DZANK1: variants seen among roughly 807,000 people sequenced by gnomAD.
DZANK1 encodes double zinc ribbon and ankyrin repeat-containing protein 1.
In DZANK1, 91 loss-of-function variants were observed where a neutral mutation model predicts 94.5. The observed-to-expected ratio is 0.96, with a 90% CI of 0.81 to 1.15. The LOEUF (loss-of-function observed/expected upper bound fraction) is 1.15, where lower values mean the gene tolerates loss of function less well. DZANK1 is among the 50% of genes most tolerant of loss of function. The pLI is 0.00. For missense variants in DZANK1, 903 were observed against 916.4 expected (o/e 0.99, Z 0.19); for synonymous variants, 312 against 325.3 (o/e 0.96, Z 0.44).
chr20:18,454,095 GT>G, intron 4 of DZANK1: 1 of 519,626 alleles, frequency 1.9e-6, no homozygotes, highest in South Asian at 1.6e-5. Context: ...CAGGCAGGAT[GT>G]TACAACTGTG....
chr20:18,432,671 T>G lies in DZANK1; in HGVS notation c.861+981A>C, dbSNP rs74474594. 1.5e-4 allele frequency: 23 copies of G among 152,358 alleles called. 1 individual carries two copies. The East Asian group carries it at 3.9e-3, about 26-fold the overall frequency. 9.4% of individuals were successfully genotyped at this position (152,358 alleles called of 1,614,324 possible). On this transcript the variant is annotated intron_variant, in intron 9 of 20. Coordinates refer to ENST00000262547, the Ensembl canonical transcript of DZANK1. ...CCACAAGGCCATTTTAGGAGTGTTA[T>G]GGCCTGTACATAATGCCATGCATTT...
chr20:18,465,293 A>G, exon 2 of DZANK1: 9 of 1,610,874 alleles, frequency 5.6e-6, no homozygotes, highest in Non-Finnish European at 7.6e-6. Context: ...TTTCATGGTT[A>G]GCTTTTCCAG....
At chr20:18,464,926 C>T (rs1043206090) in intron 2 of DZANK1, among the ~76,000 whole-genome samples, 2 of 152,006 alleles carry the variant, frequency 1.3e-5, no homozygotes, top group East Asian at 1.9e-4. Flanking sequence ...CCACCTGCCT[C>T]GGCCTGCCAA....
At chr20:18,387,953 G>A (rs529813475) in intron 19 of DZANK1, among the ~76,000 whole-genome samples, 230 of 152,282 alleles carry the variant, frequency 1.5e-3, no homozygotes, top group African/African-American at 4.6e-3. Context: ...GATGACTTAT[G>A]CCTAAAAGCA....
At chr20:18,387,974 T>C (rs2048609087) in intron 19 of DZANK1, among the ~76,000 whole-genome samples, 1 of 152,202 alleles carries the variant, frequency 6.6e-6, no homozygotes. Flanking sequence ...ATAGGATGGA[T>C]GGAACTTTGA....
intron 13 of DZANK1, among the ~76,000 whole-genome samples, chr20:18,409,622 T>C (rs1005047431): frequency 7.9e-5 from 12 of 151,788 alleles, no homozygotes; most frequent in African/African-American, 2.9e-4. Flanking sequence ...GGTAATTATG[T>C]AATTATAAAA....
chr20:18,398,457 T>A, intron 14 of DZANK1, 66 bp downstream of exon 14: 1 of 1,465,804 alleles, frequency 6.8e-7, no homozygotes, highest in Non-Finnish European at 9.6e-7. Context: ...TCAGGCAAAG[T>A]CCATGGAGGG....
At position 18,441,092 on chromosome 20, in the gene DZANK1, G is replaced by A. The variant is rs1388537206; in HGVS notation, c.747+2255C>T. ...TCTGTGAATGCTCCCATGGACTCAG[G>A]AGAATACATCCTCCACCACAGTTTT... On this transcript the variant is annotated intron_variant, in intron 8 of 20. Transcript: ENST00000262547. The surrounding 1 kb of genome is among the most constrained non-coding windows in gnomAD (Gnocchi z 4.1). Among the ~76,000 whole-genome samples, 2 of 152,128 alleles carry A rather than the reference G, an allele frequency of 1.3e-5. No individual in the cohort carries two copies. The highest frequency in any genetic ancestry group is 2.9e-5 in the Non-Finnish European group (2 of 68,012).
chr20:18,412,813 C>G (rs761421436), exon 13 of DZANK1: 69 of 1,613,856 alleles, frequency 4.3e-5, no homozygotes, highest in Non-Finnish European at 5.6e-5. Context: ...AACATCAGAT[C>G]TGGGCAAAGG....
At position 18,402,645 on chromosome 20, in the gene DZANK1, C is replaced by G. The variant is rs2328268; in HGVS notation, c.1433-4019G>C. The stretch of plus-strand genomic sequence containing the variant: ...CAGCACACTTGAATCTCTCAAGTCA[C>G]CCGCTTGGCCTTCTTCAAAGTGTAC... On this transcript the variant is annotated intron_variant, in intron 13 of 20. Coordinates refer to ENST00000262547, the Ensembl canonical transcript of DZANK1. Among the ~76,000 whole-genome samples the G allele has an allele frequency of 2.4e-3, 365 of 152,240 alleles. 5 individuals carry two copies. The highest frequency in any genetic ancestry group is 0.02 in the Admixed American group (306 of 15,292).
rs55757220 is a variant in DZANK1 at position 18,412,849 on chromosome 20, C to A, written c.1243-14G>T. On this transcript the variant is annotated splice_polypyrimidine_tract_variant and intron_variant, in intron 12 of 20. Coordinates refer to ENST00000262547, the Ensembl canonical transcript of DZANK1. ...AATATTCAGGGACTGCCAGGCACAT[C>A]GGGGCCATGCGTGAGGCAGAAGACA... 1.4e-3 allele frequency: 2,199 copies of A among 1,613,272 alleles called. 27 individuals are homozygous for A. In the African/African-American group the frequency reaches 0.027, roughly 20 times the overall value.
intron 8 of DZANK1, among the ~76,000 whole-genome samples, chr20:18,437,174 A>G (rs2148650731): frequency 6.6e-6 from 1 of 152,360 alleles, no homozygotes; most frequent in East Asian, 1.9e-4. Flanking sequence ...TAAATGACAT[A>G]AGATTGTATA....
chr20:18,442,351 C>T (rs2058739362), intron 8 of DZANK1, among the ~76,000 whole-genome samples: 1 of 152,090 alleles, frequency 6.6e-6, no homozygotes, highest in Non-Finnish European at 1.5e-5. Flanking sequence ...TTTTCTGTAT[C>T]GTCTTCTTTC....
At chr20:18,422,806 T>TTTTC (rs1264329875) in intron 10 of DZANK1, among the ~76,000 whole-genome samples, 14 of 150,302 alleles carry the variant, frequency 9.3e-5, no homozygotes, top group Non-Finnish European at 1.5e-4. Context: ...GTTCTTTTTT[T>TTTTC]TTTTTTTTCT....
chr20:18,392,052 C>T (rs2207088), intron 17 of DZANK1, among the ~76,000 whole-genome samples: 89,926 of 152,056 alleles, frequency 0.59, 27,165 homozygotes, highest in East Asian at 0.88. Flanking sequence ...GCCTGGTACA[C>T]GTGTGCTCAA....
chr20:18,461,987 C>T (rs2059489135), intron 2 of DZANK1, among the ~76,000 whole-genome samples: 1 of 151,880 alleles, frequency 6.6e-6, no homozygotes, highest in Non-Finnish European at 1.5e-5. Context: ...CATGAAAACA[C>T]CTATTTGACC....
At chr20:18,420,873 C>G (rs2057745651) in intron 10 of DZANK1, 1 of 155,236 alleles carries the variant, frequency 6.4e-6, no homozygotes, top group African/African-American at 2.4e-5. Context: ...CAGCCAGAAC[C>G]CGACTCCACA....
chr20:18,403,492 C>A (rs1349568640), intron 13 of DZANK1, among the ~76,000 whole-genome samples: 3 of 152,138 alleles, frequency 2.0e-5, no homozygotes, highest in Non-Finnish European at 2.9e-5. Context: ...TCATTTGTAA[C>A]AAAGTGTGGG....
Position 18,464,328 on chromosome 20 carries a change from T to C in DZANK1, c.109+922A>G, listed in dbSNP as rs140327268. On this transcript the variant is annotated intron_variant, in intron 2 of 20. Transcript: ENST00000262547. ...GCCTCAGCCTCCCAAAGTGCTGGGA[T>C]TACAGGCGTGAGCCACCAGGCCTGG... Among the ~76,000 whole-genome samples the C allele has an allele frequency of 2.6e-3, 391 of 152,332 alleles. 7 individuals are homozygous for C. Among genetic ancestry groups the C allele is most frequent in the Admixed American group, 0.022 (331 of 15,302 alleles).
Sources: allele counts gnomAD v4.1 joint callset (sites outside exome capture counted in the v4.1 genomes callset), GRCh38; gene constraint gnomAD v4.1.1; non-coding constraint Gnocchi (gnomAD v3.1); transcripts MANE v1.5; gene names NCBI Gene and HGNC (gene_info 2026-07-23, HGNC 2026-07-21).